Variants in PINX1 observed in about 807,000 individuals in gnomAD.
PINX1 encodes the protein PIN2/TERF1-interacting telomerase inhibitor 1.
Under a neutral mutation model 25.4 loss-of-function variants are expected in PINX1, and 34 were observed. The observed-to-expected ratio is 1.34, with a 90% confidence interval of 1.02 to 1.78. PINX1 has a LOEUF of 1.78. PINX1 is among the 40% of genes most tolerant of loss of function. The pLI is 0.00. For synonymous variants in PINX1, 197 were observed against 147.7 expected (o/e 1.33, Z -2.42); for missense variants, 592 against 404.9 (o/e 1.46, Z -3.97).
chr8:10,819,316 T>G (rs1220382362), intron 6 of PINX1, among the ~76,000 whole-genome samples: 1 of 152,152 alleles, frequency 6.6e-6, no homozygotes, highest in Non-Finnish European at 1.5e-5. Context: ...TCTGGAAAAA[T>G]GCCAGGAATC....
intron 6 of PINX1, among the ~76,000 whole-genome samples, chr8:10,804,376 G>T (rs73662629): frequency 0.015 from 2,223 of 152,272 alleles, 63 homozygotes; most frequent in African/African-American, 0.05. Context: ...CAGCAGAGTG[G>T]GTGACACAGA....
chr8:10,786,897 T>C (rs1480006598), intron 6 of PINX1, among the ~76,000 whole-genome samples: 1 of 152,126 alleles, frequency 6.6e-6, no homozygotes, highest in Non-Finnish European at 1.5e-5. Context: ...TGTGGACCCC[T>C]AATGGGGAGC....
chr8:10,791,671 C>G (rs1016062674), intron 6 of PINX1, among the ~76,000 whole-genome samples: 15 of 152,310 alleles, frequency 9.8e-5, no homozygotes, highest in African/African-American at 3.6e-4. Flanking sequence ...CTCCAGCCCC[C>G]ATCTTTGTGG....
intron 1 of PINX1, among the ~76,000 whole-genome samples, chr8:10,836,639 T>A (rs1045685315): frequency 6.6e-6 from 1 of 151,110 alleles, no homozygotes; most frequent in Non-Finnish European, 1.5e-5. Context: ...AAAATGGCAG[T>A]TAGCTTCAAT....
intron 6 of PINX1, among the ~76,000 whole-genome samples, chr8:10,776,522 T>C (rs1801402227): frequency 6.6e-6 from 1 of 152,276 alleles, no homozygotes; most frequent in African/African-American, 2.4e-5. Flanking sequence ...ACACTGTCAT[T>C]AACCTTTGGA....
At chr8:10,829,228 G>A (rs1040795060) in intron 4 of PINX1, among the ~76,000 whole-genome samples, 2 of 146,710 alleles carry the variant, frequency 1.4e-5, no homozygotes, top group Non-Finnish European at 3.0e-5. Flanking sequence ...GGAGGTTGCG[G>A]TAAGCCAAGA....
chr8:10,776,538 A>G (rs1463486171), intron 6 of PINX1, among the ~76,000 whole-genome samples: 1 of 152,216 alleles, frequency 6.6e-6, no homozygotes, highest in East Asian at 1.9e-4. Flanking sequence ...TTGGAATGTC[A>G]GCAATTGGCT....
intron 6 of PINX1, among the ~76,000 whole-genome samples, chr8:10,790,035 G>A (rs192971066): frequency 2.6e-4 from 39 of 152,288 alleles, no homozygotes; most frequent in African/African-American, 9.4e-4. Context: ...TGCTGTCACA[G>A]CCAAGCGGCA....
At chr8:10,784,162 T>A (rs906089360) in intron 6 of PINX1, among the ~76,000 whole-genome samples, 1 of 152,216 alleles carries the variant, frequency 6.6e-6, no homozygotes, top group Admixed American at 6.5e-5. Flanking sequence ...GCCTGTATAA[T>A]AACACACAGA....
chr8:10,832,689 T>C (rs1199138461), intron 3 of PINX1, among the ~76,000 whole-genome samples: 3 of 152,140 alleles, frequency 2.0e-5, no homozygotes, highest in African/African-American at 7.2e-5. Context: ...AAGGGAACAA[T>C]GATACTAAAA....
At chr8:10,798,852 C>T (rs1802172770) in intron 6 of PINX1, among the ~76,000 whole-genome samples, 1 of 152,170 alleles carries the variant, frequency 6.6e-6, no homozygotes, top group Admixed American at 6.5e-5. Context: ...TCTAATAAGT[C>T]CACCGGGTGA....
chr8:10,766,325 T>A (rs1051679252), intron 6 of PINX1, among the ~76,000 whole-genome samples: 1 of 152,232 alleles, frequency 6.6e-6, no homozygotes, highest in African/African-American at 2.4e-5. Flanking sequence ...CTTGGTGATT[T>A]TGTTAGACAC....
chr8:10,804,512 G>T (rs991755133), intron 6 of PINX1, among the ~76,000 whole-genome samples: 1 of 152,080 alleles, frequency 6.6e-6, no homozygotes, highest in Non-Finnish European at 1.5e-5. Flanking sequence ...TCTGTCATAC[G>T]CTGGGCACTG....
intron 6 of PINX1, among the ~76,000 whole-genome samples, chr8:10,793,085 C>T (rs753582936): frequency 3.2e-4 from 49 of 152,250 alleles, no homozygotes; most frequent in South Asian, 1.2e-3. Context: ...GCCTACTATG[C>T]GCGAACACTC....
chr8:10,782,564 C>T (rs1345934730), intron 6 of PINX1, among the ~76,000 whole-genome samples: 5 of 151,722 alleles, frequency 3.3e-5, no homozygotes, highest in African/African-American at 4.8e-5. Flanking sequence ...GCTGAAACCC[C>T]GTCTCTACTA....
intron 6 of PINX1, among the ~76,000 whole-genome samples, chr8:10,799,297 A>G (rs1477327872): frequency 1.3e-5 from 2 of 152,156 alleles, no homozygotes; most frequent in African/African-American, 4.8e-5. Context: ...TCTCAACAGA[A>G]CTGTTGAGAC....
chr8:10,788,635 A>T (rs1330198917), intron 6 of PINX1, among the ~76,000 whole-genome samples: 1 of 152,204 alleles, frequency 6.6e-6, no homozygotes, highest in Non-Finnish European at 1.5e-5. Context: ...TTCCTGGAGT[A>T]CAGTAAGTAA....
At chr8:10,820,080 T>C (rs189989796) in intron 6 of PINX1, 113 bp downstream of exon 6, 2 of 716,588 alleles carry the variant, frequency 2.8e-6, no homozygotes, top group Admixed American at 2.1e-5. Context: ...GCCTCCAAAG[T>C]GTTTTGGAAA....
intron 6 of PINX1, among the ~76,000 whole-genome samples, chr8:10,785,978 AG>A (rs1801735519): frequency 6.6e-6 from 1 of 152,238 alleles, no homozygotes; most frequent in South Asian, 2.1e-4. Flanking sequence ...TATCACTACC[AG>A]ATTAAGGGAG....
Sources: gnomAD v4.1 joint callset for allele counts (sites outside exome capture counted in the v4.1 genomes callset) on GRCh38, gnomAD v4.1.1 for gene constraint, MANE v1.5 for transcripts, NCBI Gene and HGNC (gene_info 2026-07-23, HGNC 2026-07-21) for gene names.